Variants in FOXP2 observed in about 807,000 individuals in gnomAD.
FOXP2 encodes the protein forkhead box protein P2.
In FOXP2, 12 loss-of-function variants were observed where a neutral mutation model predicts 115.8. The observed-to-expected ratio is 0.10, with a 90% CI of 0.07 to 0.17. The LOEUF (loss-of-function observed/expected upper bound fraction) is 0.17, where lower values mean the gene tolerates loss of function less well. FOXP2 is among the 10% of genes least tolerant of loss of function. FOXP2 has a pLI of 1.00. For synonymous variants in FOXP2, 328 were observed against 297.7 expected (o/e 1.10, Z -1.05); for missense variants, 629 against 843.5 (o/e 0.75, Z 3.15).
chr7:114,536,400 T>C (rs951001144), intron 3 of FOXP2, among the ~76,000 whole-genome samples: 648 of 32,112 alleles, frequency 0.02, 8 homozygotes, highest in African/African-American at 0.18. Context: ...TTCTTTTCTT[T>C]TTTTTTTTTT....
chr7:114,409,472 A>T (rs979032272), upstream of FOXP2, among the ~76,000 whole-genome samples: 1 of 152,200 alleles, frequency 6.6e-6, no homozygotes, highest in African/African-American at 2.4e-5. Context: ...TCTTTAAGAA[A>T]CTTTTAAAAA....
At chr7:114,606,454 G>A (rs1054143453) in intron 3 of FOXP2, among the ~76,000 whole-genome samples, 5 of 152,148 alleles carry the variant, frequency 3.3e-5, no homozygotes, top group African/African-American at 1.2e-4. Flanking sequence ...TAGTGAAATT[G>A]GAGGACCACC....
At chr7:114,569,242 G>A (rs1801173320) in intron 3 of FOXP2, among the ~76,000 whole-genome samples, 1 of 151,958 alleles carries the variant, frequency 6.6e-6, no homozygotes, top group East Asian at 1.9e-4. Context: ...AGTTACAGCT[G>A]CCTAGCTGTA....
chr7:114,299,044 A>G (rs954986823), intron 2 of FOXP2, among the ~76,000 whole-genome samples: 17 of 152,290 alleles, frequency 1.1e-4, no homozygotes, highest in African/African-American at 3.6e-4. Flanking sequence ...GTAGGCTAAC[A>G]TGCATTCTGA....
chr7:114,451,825 G>A (rs907880289), intron 2 of FOXP2, among the ~76,000 whole-genome samples: 2 of 152,032 alleles, frequency 1.3e-5, no homozygotes, highest in Non-Finnish European at 2.9e-5. Context: ...TGACAATTAA[G>A]CTAAGATAGA....
intron 2 of FOXP2, among the ~76,000 whole-genome samples, chr7:114,441,848 G>T (rs1470725482): frequency 2.0e-5 from 3 of 152,086 alleles, no homozygotes; most frequent in Non-Finnish European, 4.4e-5. Flanking sequence ...AGTAAAAAAA[G>T]ACAGGCAATA....
chr7:114,147,404 G>GC (rs1478173036), intron 1 of FOXP2, among the ~76,000 whole-genome samples: 2 of 152,066 alleles, frequency 1.3e-5, no homozygotes, highest in African/African-American at 4.8e-5. Context: ...ACACATTAGT[G>GC]CCATGATGTA....
At chr7:114,503,789 C>T (rs1797673955) in intron 2 of FOXP2, among the ~76,000 whole-genome samples, 1 of 151,134 alleles carries the variant, frequency 6.6e-6, no homozygotes, top group African/African-American at 2.4e-5. Flanking sequence ...TAATAAATAG[C>T]CTGTGCTCTT....
intron 2 of FOXP2, among the ~76,000 whole-genome samples, chr7:114,484,318 A>G (rs1796680340): frequency 6.6e-6 from 1 of 151,852 alleles, no homozygotes; most frequent in Non-Finnish European, 1.5e-5. Flanking sequence ...TTTTGAATAT[A>G]TCTTTCAAAC....
At chr7:114,437,542 C>A (rs1794410055) in intron 2 of FOXP2, among the ~76,000 whole-genome samples, 1 of 152,126 alleles carries the variant, frequency 6.6e-6, no homozygotes, top group African/African-American at 2.4e-5. Context: ...AGAATAAACC[C>A]TGTTTCACAA....
At chr7:114,507,027 A>G (rs1255524814) in intron 2 of FOXP2, among the ~76,000 whole-genome samples, 1 of 151,874 alleles carries the variant, frequency 6.6e-6, no homozygotes. Flanking sequence ...TCCTAATGCT[A>G]TATTTAACAA....
intron 2 of FOXP2, among the ~76,000 whole-genome samples, chr7:114,493,400 A>G (rs1797160698): frequency 1.3e-5 from 2 of 152,248 alleles, no homozygotes; most frequent in East Asian, 1.9e-4. Context: ...AAACCCTAAT[A>G]TAAACTATGG....
At position 114,208,928 on chromosome 7, in the gene FOXP2, A is replaced by T. The variant is rs189567154; in HGVS notation, c.-102+45840A>T. 4.1e-3 allele frequency among the ~76,000 whole-genome samples: 627 copies of T among 152,134 alleles called. 9 individuals are homozygous for T. The highest frequency in any genetic ancestry group is 3.4e-3 in the Non-Finnish European group (230 of 68,000). ...CCATCTCAGGTATGTCTTCATCAGTAGTGTGAAAACAGACTAATACAAAGG... is the reference window on the plus strand; with the variant it reads ...CCATCTCAGGTATGTCTTCATCAGTTGTGTGAAAACAGACTAATACAAAGG... On this transcript the variant is annotated intron_variant, in intron 1 of 17. Transcript: ENST00000634411.
At chr7:114,410,326 G>A (rs1049573585), upstream of FOXP2, among the ~76,000 whole-genome samples, 8 of 152,040 alleles carry the variant, frequency 5.3e-5, no homozygotes, top group African/African-American at 7.2e-5. Context: ...TACTCTGTAC[G>A]TAGAAGATAT....
intron 16 of FOXP2, among the ~76,000 whole-genome samples, chr7:114,681,049 A>G (rs996609226): frequency 3.9e-5 from 6 of 152,184 alleles, no homozygotes; most frequent in African/African-American, 1.2e-4. Context: ...TAACTCCTAT[A>G]TCACTTAATT....
At chr7:114,206,845 G>A (rs887542040) in intron 1 of FOXP2, among the ~76,000 whole-genome samples, 1 of 152,112 alleles carries the variant, frequency 6.6e-6, no homozygotes, top group African/African-American at 2.4e-5. Context: ...CCATTTTAAA[G>A]TGTATGACTC....
chr7:114,288,220 TAAG>T (rs1421704925), intron 2 of FOXP2: 1 of 400,716 alleles, frequency 2.5e-6, no homozygotes, highest in Non-Finnish European at 4.9e-6. Flanking sequence ...GCCCAAATGT[TAAG>T]AAGTTGTTTT....
At chr7:114,563,042 G>T (rs1484300280) in intron 3 of FOXP2, among the ~76,000 whole-genome samples, 1 of 152,160 alleles carries the variant, frequency 6.6e-6, no homozygotes, top group Non-Finnish European at 1.5e-5. Flanking sequence ...CAGCAGGGAA[G>T]AGAGCATGTG....
chr7:114,567,214 A>T (rs1478531659), intron 3 of FOXP2, among the ~76,000 whole-genome samples: 1 of 152,112 alleles, frequency 6.6e-6, no homozygotes, highest in African/African-American at 2.4e-5. Context: ...TTGAAGCAAT[A>T]ATGACAGCTA....
Sources: allele counts gnomAD v4.1 joint callset (sites outside exome capture counted in the v4.1 genomes callset), GRCh38; gene constraint gnomAD v4.1.1; transcripts MANE v1.5; gene names NCBI Gene and HGNC (gene_info 2026-07-23, HGNC 2026-07-21).